The following DNER variants were observed in gnomAD, a reference collection of about 807,000 sequenced individuals.
The protein encoded by DNER is delta/notch like EGF repeat containing.
Under a neutral mutation model 78.2 loss-of-function variants are expected in DNER, and 33 were observed. The observed-to-expected ratio is 0.42, with a 90% confidence interval of 0.32 to 0.56. DNER has a LOEUF of 0.56. DNER is among the 20% of genes least tolerant of loss of function. DNER has a pLI of 0.11. For synonymous variants in DNER, 417 were observed against 384.8 expected (o/e 1.08, Z -0.98); for missense variants, 918 against 975.3 (o/e 0.94, Z 0.78).
intron 4 of DNER, among the ~76,000 whole-genome samples, chr2:229,553,069 G>C (rs1426018228): frequency 2.0e-5 from 3 of 152,168 alleles, no homozygotes; most frequent in Non-Finnish European, 4.4e-5. Flanking sequence ...AGGGAGAGTA[G>C]ATACCCACCA....
chr2:229,657,499 C>T (rs575222495), intron 1 of DNER, among the ~76,000 whole-genome samples: 46 of 152,088 alleles, frequency 3.0e-4, no homozygotes, highest in African/African-American at 9.4e-4. Flanking sequence ...ATTTTAGGAC[C>T]GTGATTTTTC....
At chr2:229,571,608 C>T (rs1393259260) in intron 4 of DNER, among the ~76,000 whole-genome samples, 2 of 152,118 alleles carry the variant, frequency 1.3e-5, no homozygotes, top group Non-Finnish European at 2.9e-5. Context: ...CTGGCCTCCC[C>T]GTGAATTGGG....
intron 1 of DNER, among the ~76,000 whole-genome samples, chr2:229,682,962 A>G (rs1179714153): frequency 2.8e-4 from 43 of 152,270 alleles, no homozygotes. Context: ...TGAACTATAC[A>G]ACTGTAAAGA....
At chr2:229,520,249 T>C (rs1696068107) in intron 5 of DNER, among the ~76,000 whole-genome samples, 1 of 152,186 alleles carries the variant, frequency 6.6e-6, no homozygotes, top group African/African-American at 2.4e-5. Flanking sequence ...TATCCTGGGT[T>C]TGGCTGTAAG....
chr2:229,646,000 C>T (rs890678048), intron 1 of DNER, among the ~76,000 whole-genome samples: 2 of 152,184 alleles, frequency 1.3e-5, no homozygotes, highest in Admixed American at 6.5e-5. Context: ...ATTCCTTCAG[C>T]CACTTTGCCG....
chr2:229,394,366 A>C (rs1224172484), intron 10 of DNER, among the ~76,000 whole-genome samples: 1 of 151,756 alleles, frequency 6.6e-6, no homozygotes, highest in Admixed American at 6.5e-5. Flanking sequence ...CCACTGCCCA[A>C]GACACAGACA....
intron 1 of DNER, among the ~76,000 whole-genome samples, chr2:229,645,249 C>T (rs1419095846): frequency 6.6e-6 from 1 of 152,116 alleles, no homozygotes; most frequent in Non-Finnish European, 1.5e-5. Flanking sequence ...TCAAAGGATC[C>T]TCCTGCTTCA....
At position 229,408,811 on chromosome 2, in the gene DNER, G is replaced by T. The variant is rs192270273; in HGVS notation, c.1610-1466C>A. Among the ~76,000 whole-genome samples, 613 of 152,250 alleles carry T rather than the reference G, an allele frequency of 4.0e-3. 3 individuals are homozygous for T. Among genetic ancestry groups the T allele is most frequent in the African/African-American group, 0.014 (575 of 41,548 alleles). ...TGAGCCAGGTAAAGCTCAAATTTTA[G>T]AATAAATGACCTGTAATTCTTTTTC... On this transcript the variant is annotated intron_variant, in intron 9 of 12. Transcript: ENST00000341772.
At position 229,522,525 on chromosome 2, in the gene DNER, G is replaced by A. The variant is rs532056905; in HGVS notation, c.994-9589C>T. ...TTGAATTTCCCTGAAAAAAGAGCCTGTTCCCACAAGTAGACAACATACCAT... is the reference window on the plus strand; with the variant it reads ...TTGAATTTCCCTGAAAAAAGAGCCTATTCCCACAAGTAGACAACATACCAT... On this transcript the variant is annotated intron_variant, in intron 5 of 12. Coordinates refer to ENST00000341772, the MANE Select transcript of DNER (RefSeq NM_139072.4). Among the ~76,000 whole-genome samples the A allele has an allele frequency of 2.0e-5, 3 of 152,256 alleles. No individual in the cohort carries two copies. In the East Asian group the frequency reaches 5.8e-4, roughly 29 times the overall value.
At chr2:229,695,301 C>T (rs1382047462) in intron 1 of DNER, among the ~76,000 whole-genome samples, 2 of 152,302 alleles carry the variant, frequency 1.3e-5, no homozygotes, top group East Asian at 1.9e-4. Flanking sequence ...GAAATGCCTC[C>T]TCCAAAGAAA....
At chr2:229,690,405 A>G (rs1272393110) in intron 1 of DNER, among the ~76,000 whole-genome samples, 2 of 152,174 alleles carry the variant, frequency 1.3e-5, no homozygotes, top group Non-Finnish European at 1.5e-5. Context: ...AAGTCACTTA[A>G]CCTTCTTGAG....
At chr2:229,409,787 C>G (rs7597467) in intron 9 of DNER, among the ~76,000 whole-genome samples, 122,573 of 152,148 alleles carry the variant, frequency 0.81, 50,133 homozygotes, top group African/African-American at 0.87. Context: ...TGATTACGGA[C>G]AAGCAAGATG....
At chr2:229,418,252 C>T in intron 8 of DNER, 22 bp from the exon 9 acceptor site, 2 of 1,613,390 alleles carry the variant, frequency 1.2e-6, no homozygotes, top group Non-Finnish European at 1.7e-6. Context: ...AGAGAAAGGC[C>T]CACTGTCAAA....
At chr2:229,647,315 C>G (rs767507101) in intron 1 of DNER, among the ~76,000 whole-genome samples, 23 of 152,148 alleles carry the variant, frequency 1.5e-4, no homozygotes, top group Admixed American at 4.6e-4. Flanking sequence ...CCCGAGGGGA[C>G]AGCAAGGGCA....
chr2:229,422,420 A>C lies in DNER; in HGVS notation c.1487-4190T>G, dbSNP rs867806665. Among the ~76,000 whole-genome samples, 6 of 152,328 alleles carry C rather than the reference A, an allele frequency of 3.9e-5. No homozygotes were observed. The South Asian group carries it at 1.2e-3, about 32-fold the overall frequency. On this transcript the variant is annotated intron_variant, in intron 8 of 12. Transcript: ENST00000341772. ...TTATCAGCACTGCTCCCATCTTTGC[A>C]TGATTTGCTCCCGAATAATCAGTTC...
At chr2:229,451,101 T>C (rs761371437) in intron 7 of DNER, among the ~76,000 whole-genome samples, 1 of 152,142 alleles carries the variant, frequency 6.6e-6, no homozygotes, top group Non-Finnish European at 1.5e-5. Context: ...AAAATACATA[T>C]CAAACTTCCT....
At chr2:229,599,056 T>C (rs865944509) in intron 1 of DNER, among the ~76,000 whole-genome samples, 4 of 151,928 alleles carry the variant, frequency 2.6e-5, no homozygotes, top group Admixed American at 1.3e-4. Context: ...GGAAACCAAA[T>C]GTGACAAAGC....
chr2:229,526,718 T>A (rs964187211), intron 5 of DNER, among the ~76,000 whole-genome samples: 6 of 152,226 alleles, frequency 3.9e-5, no homozygotes, highest in African/African-American at 1.4e-4. Context: ...CCACTGACTT[T>A]CTGCTATGCG....
chr2:229,680,296 T>C lies in DNER; in HGVS notation c.276+33852A>G, dbSNP rs1699364413. ...TCACGGATGGCTTCTCAGAAAGACC[T>C]AACCTGTAAAGCTGCATCAGGGAAA... On this transcript the variant is annotated intron_variant, in intron 1 of 12. Coordinates refer to ENST00000341772, the MANE Select transcript of DNER (RefSeq NM_139072.4). Among the ~76,000 whole-genome samples, 3 of 152,280 alleles carry C rather than the reference T, an allele frequency of 2.0e-5. No individual in the cohort carries two copies. The South Asian group carries it at 6.2e-4, about 32-fold the overall frequency.
Sources: allele counts gnomAD v4.1 joint callset (sites outside exome capture counted in the v4.1 genomes callset), GRCh38; gene constraint gnomAD v4.1.1; transcripts MANE v1.5; gene names NCBI Gene and HGNC (gene_info 2026-07-23, HGNC 2026-07-21).